The following GAP43 variants were observed in gnomAD, a reference collection of about 807,000 sequenced individuals.
The protein encoded by GAP43 is neuromodulin.
Under a neutral mutation model 18.6 loss-of-function variants are expected in GAP43, and 6 were observed. The observed-to-expected ratio is 0.32, with a 90% confidence interval of 0.18 to 0.64. GAP43 has a LOEUF of 0.64. Ranked by LOEUF, GAP43 falls within the 30% of genes least tolerant of loss-of-function variation. The pLI is 0.78. For synonymous variants in GAP43, 115 were observed against 111.4 expected, an observed-to-expected ratio of 1.03 and a Z score of -0.20; for missense variants, 292 against 295.5, an observed-to-expected ratio of 0.99 and a Z score of 0.09.
intron 1 of GAP43, among the ~76,000 whole-genome samples, chr3:115,628,298 G>A (rs573301159): frequency 6.6e-6 from 1 of 151,896 alleles, no homozygotes; most frequent in South Asian, 2.1e-4. Context: ...TCATCTTCTT[G>A]TGCTGCACTG....
At chr3:115,645,877 T>C (rs911064368) in intron 1 of GAP43, among the ~76,000 whole-genome samples, 1 of 152,026 alleles carries the variant, frequency 6.6e-6, no homozygotes, top group South Asian at 2.1e-4. Flanking sequence ...AAAAGTAAAG[T>C]AGCATGCAAA....
intron 2 of GAP43, among the ~76,000 whole-genome samples, chr3:115,716,270 G>A (rs1046515141): frequency 6.6e-6 from 1 of 152,258 alleles, no homozygotes; most frequent in East Asian, 1.9e-4. Flanking sequence ...ATATCAAAAT[G>A]TTCCCTCTGA....
At chr3:115,719,781 C>T (rs1709554274) in intron 2 of GAP43, among the ~76,000 whole-genome samples, 1 of 152,204 alleles carries the variant, frequency 6.6e-6, no homozygotes, top group Non-Finnish European at 1.5e-5. Context: ...TAGCAAATCA[C>T]TGAACCTAGG....
intron 1 of GAP43, among the ~76,000 whole-genome samples, chr3:115,635,354 G>A (rs1257655077): frequency 6.6e-6 from 1 of 152,062 alleles, no homozygotes; most frequent in Non-Finnish European, 1.5e-5. Context: ...AACCAGATTT[G>A]TGCATCCATA....
At chr3:115,675,446 C>T (rs11926976) in intron 1 of GAP43, among the ~76,000 whole-genome samples, 82,937 of 151,790 alleles carry the variant, frequency 0.55, 22,977 homozygotes, top group East Asian at 0.67. Flanking sequence ...AACATTGAGC[C>T]GGGGAAAGAA....
intron 2 of GAP43, among the ~76,000 whole-genome samples, chr3:115,695,971 C>T (rs1191834425): frequency 1.3e-5 from 2 of 152,072 alleles, no homozygotes; most frequent in Admixed American, 6.5e-5. Flanking sequence ...ATTTGCCCTT[C>T]CTTCTTTATT....
intron 1 of GAP43, chr3:115,663,675 T>C: frequency 1.4e-6 from 2 of 1,447,644 alleles, no homozygotes; most frequent in Non-Finnish European, 1.8e-6. Flanking sequence ...TTTCTACTTT[T>C]CTATTGTAAA....
intron 1 of GAP43, among the ~76,000 whole-genome samples, chr3:115,645,262 G>T (rs907389520): frequency 6.6e-6 from 1 of 151,922 alleles, no homozygotes; most frequent in Non-Finnish European, 1.5e-5. Flanking sequence ...TCCTTGCTAG[G>T]TTGGAGTTCA....
At chr3:115,710,404 A>C (rs1709419081) in intron 2 of GAP43, among the ~76,000 whole-genome samples, 1 of 152,192 alleles carries the variant, frequency 6.6e-6, no homozygotes. Flanking sequence ...TATTTAAAAC[A>C]CGTTTATTTT....
rs1576976239 is a variant in GAP43 at position 115,632,517 on chromosome 3, C to A, written c.30+8798C>A. Among the ~76,000 whole-genome samples the A allele has an allele frequency of 2.0e-5, 3 of 152,298 alleles. No homozygotes were observed. The South Asian group carries it at 6.2e-4, about 32-fold the overall frequency. ...ATTATAGTTCTTCTGTGTCCCTGGGCATGACTGGGATAAATTACCACTTTA... is the reference window on the plus strand; with the variant it reads ...ATTATAGTTCTTCTGTGTCCCTGGGAATGACTGGGATAAATTACCACTTTA... On this transcript the variant is annotated intron_variant, in intron 1 of 2. Transcript: ENST00000305124.
intron 1 of GAP43, among the ~76,000 whole-genome samples, chr3:115,628,633 C>G (rs1708221592): frequency 6.6e-6 from 1 of 152,106 alleles, no homozygotes. Flanking sequence ...AAACTGTCCC[C>G]TTACTGGGTC....
In GAP43 at chr3:115,644,084, C is replaced by T. The variant is rs1317475513; in HGVS notation, c.30+20365C>T. ...TGTCAGTCTAAGGTATGTGATGCAG[C>T]GGATTTCCCAAGAGTGATGAAAGAA... On this transcript the variant is annotated intron_variant, in intron 1 of 2. Transcript: ENST00000305124. This position sits in a 1 kb window ranked among gnomAD's most constrained non-coding sequence, Gnocchi z 4.2. 2.6e-5 allele frequency among the ~76,000 whole-genome samples: 4 copies of T among 151,970 alleles called. No homozygotes were observed. Among genetic ancestry groups the T allele is most frequent in the Non-Finnish European group, 5.9e-5 (4 of 67,984 alleles).
chr3:115,631,859 G>C (rs1347735775), intron 1 of GAP43, among the ~76,000 whole-genome samples: 1 of 152,132 alleles, frequency 6.6e-6, no homozygotes, highest in Non-Finnish European at 1.5e-5. Context: ...GAGCTCAAGT[G>C]ATCCACCCAC....
intron 1 of GAP43, among the ~76,000 whole-genome samples, chr3:115,669,965 A>ATTTTTTTTTTT (rs555813051): frequency 9.9e-6 from 1 of 100,702 alleles, no homozygotes; most frequent in East Asian, 3.0e-4. Flanking sequence ...TCATCTTTTT[A>ATTTTTTTTTTT]TTTTTATTTT....
At chr3:115,696,588 C>CA (rs965190776) in intron 2 of GAP43, among the ~76,000 whole-genome samples, 2 of 130,432 alleles carry the variant, frequency 1.5e-5, no homozygotes, top group Non-Finnish European at 3.2e-5. Flanking sequence ...GCCCCCCCCC[C>CA]CCACAAACAG....
At chr3:115,709,380 A>G (rs1709405830) in intron 2 of GAP43, among the ~76,000 whole-genome samples, 1 of 152,162 alleles carries the variant, frequency 6.6e-6, no homozygotes, top group African/African-American at 2.4e-5. Context: ...CTCTTAGGCA[A>G]TTGAGTTTGC....
intron 2 of GAP43, among the ~76,000 whole-genome samples, chr3:115,717,617 A>G (rs1305059259): frequency 1.4e-5 from 2 of 146,562 alleles, no homozygotes; most frequent in African/African-American, 5.0e-5. Flanking sequence ...CCTGAATTTT[A>G]TTGTCTTTTA....
intron 2 of GAP43, among the ~76,000 whole-genome samples, chr3:115,704,009 C>T (rs1709329260): frequency 6.6e-6 from 1 of 152,018 alleles, no homozygotes; most frequent in Non-Finnish European, 1.5e-5. Context: ...TGATTTTTTA[C>T]TCAAAAGCAG....
intron 1 of GAP43, among the ~76,000 whole-genome samples, chr3:115,667,940 G>A (rs1708754658): frequency 6.6e-6 from 1 of 152,124 alleles, no homozygotes; most frequent in Non-Finnish European, 1.5e-5. Context: ...GCAGAGTCTA[G>A]TGTCCCCCTC....
Sources: gnomAD v4.1 joint callset for allele counts (sites outside exome capture counted in the v4.1 genomes callset) on GRCh38, gnomAD v4.1.1 for gene constraint, Gnocchi (gnomAD v3.1) non-coding constraint, MANE v1.5 for transcripts, NCBI Gene and HGNC (gene_info 2026-07-23, HGNC 2026-07-21) for gene names.